The following CAP2 variants were observed in gnomAD, a reference collection of about 807,000 sequenced individuals.
CAP2 encodes cyclase associated actin cytoskeleton regulatory protein 2.
In CAP2, 24 loss-of-function variants were observed where a neutral mutation model predicts 57.7. The ratio of observed to expected loss-of-function variants is 0.42; its 90% CI spans 0.30 to 0.58. The LOEUF (loss-of-function observed/expected upper bound fraction) is 0.58. Among genes scored for constraint, CAP2 ranks in the 20% least tolerant of loss-of-function variants. CAP2 has a pLI of 0.22. For missense variants in CAP2, 501 were observed against 590.3 expected (o/e 0.85, Z 1.57); for synonymous variants, 194 against 207.2 (o/e 0.94, Z 0.55).
chr6:17,413,667 A>G (rs1342104270), intron 1 of CAP2, among the ~76,000 whole-genome samples: 4 of 152,226 alleles, frequency 2.6e-5, no homozygotes, highest in Admixed American at 2.6e-4. Flanking sequence ...CCATTACCCA[A>G]TTAGTAATAG....
At chr6:17,478,062 T>A (rs370933627) in intron 4 of CAP2, among the ~76,000 whole-genome samples, 1 of 148,986 alleles carries the variant, frequency 6.7e-6, no homozygotes, top group Admixed American at 6.7e-5. Flanking sequence ...TATATAAAAT[T>A]TTATGTTGCT....
intron 7 of CAP2, among the ~76,000 whole-genome samples, chr6:17,524,856 C>G (rs1296973606): frequency 6.6e-6 from 1 of 150,672 alleles, no homozygotes; most frequent in African/African-American, 2.4e-5. Flanking sequence ...TAATAAGAAT[C>G]TATAAATATT....
chr6:17,411,119 A>T (rs1320797860), intron 1 of CAP2, among the ~76,000 whole-genome samples: 1 of 152,142 alleles, frequency 6.6e-6, no homozygotes, highest in East Asian at 1.9e-4. Context: ...TGTAGCATGT[A>T]TCAGTATTTC....
intron 3 of CAP2, among the ~76,000 whole-genome samples, chr6:17,448,659 A>G (rs1317964245): frequency 6.6e-6 from 1 of 152,172 alleles, no homozygotes; most frequent in African/African-American, 2.4e-5. Flanking sequence ...GTCTTACATT[A>G]TAGATTTTGC....
intron 7 of CAP2, among the ~76,000 whole-genome samples, chr6:17,537,385 A>G (rs112942113): frequency 7.2e-5 from 11 of 152,198 alleles, no homozygotes; most frequent in African/African-American, 2.6e-4. Flanking sequence ...ACAGGGTCTC[A>G]CTTTGTTGCC....
chr6:17,439,135 A>AAG (rs779306490), intron 3 of CAP2, among the ~76,000 whole-genome samples: 4 of 151,302 alleles, frequency 2.6e-5, no homozygotes, highest in East Asian at 3.9e-4. Context: ...AGAGAGAAAA[A>AAG]AGAGAGAGAG....
intron 4 of CAP2, among the ~76,000 whole-genome samples, chr6:17,501,277 C>T (rs1416102834): frequency 1.3e-5 from 2 of 152,222 alleles, no homozygotes; most frequent in Middle Eastern, 3.4e-3. Context: ...ATTACATCTA[C>T]ACTTGATCTT....
At chr6:17,470,075 T>C (rs1760979318) in intron 4 of CAP2, among the ~76,000 whole-genome samples, 1 of 152,238 alleles carries the variant, frequency 6.6e-6, no homozygotes, top group Admixed American at 6.5e-5. Flanking sequence ...TTGGGCCTAC[T>C]TGGATTTGAA....
intron 1 of CAP2, among the ~76,000 whole-genome samples, chr6:17,410,488 T>C (rs531333246): frequency 6.6e-6 from 1 of 152,268 alleles, no homozygotes; most frequent in South Asian, 2.1e-4. Context: ...GTGGGGAGTA[T>C]GGCCACTTGG....
chr6:17,516,725 A>G (rs866175529), intron 7 of CAP2, among the ~76,000 whole-genome samples: 2 of 152,344 alleles, frequency 1.3e-5, no homozygotes, highest in Middle Eastern at 3.4e-3. Context: ...CCAACCCTCC[A>G]TGCTGGATGT....
intron 4 of CAP2, among the ~76,000 whole-genome samples, chr6:17,472,666 ACT>A (rs1761051181): frequency 6.6e-6 from 1 of 152,178 alleles, no homozygotes; most frequent in African/African-American, 2.4e-5. Context: ...TGTGACGGCT[ACT>A]GCCCGTGCTG....
chr6:17,525,122 C>T (rs1329112179), intron 7 of CAP2, among the ~76,000 whole-genome samples: 3 of 152,056 alleles, frequency 2.0e-5, no homozygotes, highest in Non-Finnish European at 1.5e-5. Flanking sequence ...AGGCTGGTCT[C>T]GAAATCCTAA....
chr6:17,529,649 A>ATAT (rs1171658566), intron 7 of CAP2, among the ~76,000 whole-genome samples: 3 of 129,010 alleles, frequency 2.3e-5, no homozygotes, highest in African/African-American at 9.6e-5. Context: ...TCAAAAAAAA[A>ATAT]AAATATATAT....
chr6:17,522,437 A>G (rs1436480398), intron 7 of CAP2, among the ~76,000 whole-genome samples: 1 of 152,232 alleles, frequency 6.6e-6, no homozygotes, highest in Non-Finnish European at 1.5e-5. Flanking sequence ...TGATGCATAA[A>G]TAAATAACAG....
rs73367897 is a variant in CAP2, at chr6:17,431,856, G to A, written c.222+5166G>A. ...GCCTGAAAGCATGAGGGAGCTATTCGGTTTCCAAATGAAGAGCTTGCAATA... is the reference window on the plus strand; with the variant it reads ...GCCTGAAAGCATGAGGGAGCTATTCAGTTTCCAAATGAAGAGCTTGCAATA... On this transcript the variant is annotated intron_variant, in intron 3 of 12. Transcript: ENST00000229922. 5.9e-3 allele frequency among the ~76,000 whole-genome samples: 892 copies of A among 152,086 alleles called. 8 individuals carry two copies. The highest frequency in any genetic ancestry group is 0.02 in the African/African-American group (838 of 41,478).
intron 4 of CAP2, among the ~76,000 whole-genome samples, chr6:17,499,941 A>T (rs1439525641): frequency 2.6e-5 from 4 of 152,000 alleles, no homozygotes; most frequent in African/African-American, 9.7e-5. Context: ...TAAAATAAGG[A>T]ATATATATGA....
chr6:17,503,278 C>G (rs531204759), intron 4 of CAP2, among the ~76,000 whole-genome samples: 60 of 152,210 alleles, frequency 3.9e-4, no homozygotes, highest in Non-Finnish European at 6.6e-4. Context: ...CACGCCTCCT[C>G]TGTGTGTGTC....
At chr6:17,471,186 C>T (rs1022051222) in intron 4 of CAP2, among the ~76,000 whole-genome samples, 1 of 152,196 alleles carries the variant, frequency 6.6e-6, no homozygotes. Flanking sequence ...CAGAGCCAAA[C>T]TCCCAAGTGT....
intron 4 of CAP2, among the ~76,000 whole-genome samples, chr6:17,473,037 C>CTT (rs566161869): frequency 7.0e-6 from 1 of 143,420 alleles, no homozygotes; most frequent in African/African-American, 2.5e-5. Flanking sequence ...TCATGGTGAC[C>CTT]TTTTTTTTTT....
Sources: gnomAD v4.1 joint callset for allele counts (sites outside exome capture counted in the v4.1 genomes callset) on GRCh38, gnomAD v4.1.1 for gene constraint, MANE v1.5 for transcripts, NCBI Gene and HGNC (gene_info 2026-07-23, HGNC 2026-07-21) for gene names.